The following ASIC2 variants were observed in gnomAD, a reference collection of about 807,000 sequenced individuals.
ASIC2 encodes the protein acid sensing ion channel subunit 2.
In ASIC2, 25 loss-of-function variants were observed where a neutral mutation model predicts 57.3. The observed-to-expected ratio is 0.44, with a 90% CI of 0.32 to 0.61. The LOEUF (loss-of-function observed/expected upper bound fraction) is 0.61, where lower values mean the gene tolerates loss of function less well. ASIC2 is among the 20% of genes least tolerant of loss of function. ASIC2 has a pLI of 0.06. For missense variants in ASIC2, 641 were observed against 738.1 expected (o/e 0.87, Z 1.52); for synonymous variants, 319 against 307.5 (o/e 1.04, Z -0.39).
intron 1 of ASIC2, chr17:34,004,317 G>C (rs1906451865): frequency 6.6e-6 from 1 of 152,158 alleles, no homozygotes; most frequent in Non-Finnish European, 1.5e-5. Context: ...GGCTTTTTTG[G>C]TTCTGCATCC....
chr17:33,452,193 A>T (rs1912275704), intron 1 of ASIC2, among the ~76,000 whole-genome samples: 1 of 152,210 alleles, frequency 6.6e-6, no homozygotes, highest in East Asian at 1.9e-4. Flanking sequence ...ACCTGCTTAG[A>T]GGTGGTGGAG....
intron 1 of ASIC2, among the ~76,000 whole-genome samples, chr17:33,575,342 C>CT (rs2141994665): frequency 6.6e-6 from 1 of 152,348 alleles, no homozygotes; most frequent in Admixed American, 6.5e-5. Context: ...ATGCCATAGA[C>CT]TGTCATTATA....
At chr17:34,041,747 G>A (rs1597989724) in intron 1 of ASIC2, among the ~76,000 whole-genome samples, 1 of 152,198 alleles carries the variant, frequency 6.6e-6, no homozygotes, top group African/African-American at 2.4e-5. Flanking sequence ...GCTTGTTATC[G>A]CTTTCTAGAA....
At chr17:33,376,402 A>T (rs1909279349) in intron 1 of ASIC2, among the ~76,000 whole-genome samples, 2 of 152,110 alleles carry the variant, frequency 1.3e-5, no homozygotes, top group South Asian at 4.1e-4. Flanking sequence ...GTACATGTGC[A>T]CAACATGCAG....
chr17:33,701,190 T>A (rs1908686998), intron 1 of ASIC2, among the ~76,000 whole-genome samples: 1 of 152,074 alleles, frequency 6.6e-6, no homozygotes, highest in South Asian at 2.1e-4. Context: ...AAACCTAGGA[T>A]GCAGATGGAC....
intron 1 of ASIC2, among the ~76,000 whole-genome samples, chr17:33,927,750 G>A (rs956211268): frequency 2.6e-5 from 4 of 152,208 alleles, no homozygotes; most frequent in African/African-American, 7.2e-5. Context: ...AAGTTGGGAA[G>A]CAGTGAATCA....
intron 3 of ASIC2, among the ~76,000 whole-genome samples, chr17:33,075,004 G>A (rs1315734835): frequency 6.6e-6 from 1 of 152,154 alleles, no homozygotes; most frequent in South Asian, 2.1e-4. Context: ...GCAGAGTGAG[G>A]TCACCTCCAC....
chr17:33,505,493 C>G (rs1200221228), intron 1 of ASIC2, among the ~76,000 whole-genome samples: 1 of 152,168 alleles, frequency 6.6e-6, no homozygotes, highest in African/African-American at 2.4e-5. Context: ...ACTGATCTTG[C>G]ATTCTCAATC....
At chr17:33,146,090 C>T (rs914057144) in intron 1 of ASIC2, among the ~76,000 whole-genome samples, 1 of 152,192 alleles carries the variant, frequency 6.6e-6, no homozygotes, top group Non-Finnish European at 1.5e-5. Context: ...AAATATTCTT[C>T]AATGGCCCCA....
At chr17:33,497,016 C>T (rs1913957374) in intron 1 of ASIC2, among the ~76,000 whole-genome samples, 1 of 152,198 alleles carries the variant, frequency 6.6e-6, no homozygotes, top group Admixed American at 6.5e-5. Context: ...GTGCCCAGCA[C>T]TTTGCCTAGC....
intron 1 of ASIC2, among the ~76,000 whole-genome samples, chr17:33,554,190 G>A (rs748699493): frequency 6.6e-6 from 1 of 152,216 alleles, no homozygotes; most frequent in Non-Finnish European, 1.5e-5. Context: ...AAATTGTTCT[G>A]TTTGGAAGGT....
At chr17:33,530,575 GGT>G (rs1567640882) in intron 1 of ASIC2, among the ~76,000 whole-genome samples, 1 of 152,246 alleles carries the variant, frequency 6.6e-6, no homozygotes, top group East Asian at 1.9e-4. Context: ...CCTTTGCTCA[GGT>G]CAGGGGCTCA....
At chr17:33,514,818 TC>T (rs1202806602) in intron 1 of ASIC2, among the ~76,000 whole-genome samples, 3 of 152,236 alleles carry the variant, frequency 2.0e-5, no homozygotes, top group Non-Finnish European at 4.4e-5. Flanking sequence ...ATGGCTTTGC[TC>T]ACTCTCTAAA....
intron 1 of ASIC2, among the ~76,000 whole-genome samples, chr17:33,811,303 G>C (rs1238224817): frequency 6.6e-6 from 1 of 152,210 alleles, no homozygotes; most frequent in Non-Finnish European, 1.5e-5. Context: ...GATCCAGGCA[G>C]ACTGCAAAGG....
chr17:33,574,143 C>A (rs1697732316), intron 1 of ASIC2, among the ~76,000 whole-genome samples: 1 of 152,230 alleles, frequency 6.6e-6, no homozygotes, highest in South Asian at 2.1e-4. Flanking sequence ...CCGAACTGCT[C>A]TTCAAAGTGT....
intron 1 of ASIC2, among the ~76,000 whole-genome samples, chr17:33,799,399 TTTCTTTTCTTTCTTTCTTTCTTTCTTTC>T (rs1567718919): frequency 1.8e-5 from 1 of 54,804 alleles, no homozygotes; most frequent in African/African-American, 6.5e-5. Context: ...TCTTTCTTTC[TTTCTTTTCTTTCTTTCTTTCTTTCTTTC>T]TTCTTTCTTT....
intron 1 of ASIC2, among the ~76,000 whole-genome samples, chr17:33,762,321 T>G (rs1048418625): frequency 2.0e-5 from 3 of 152,138 alleles, no homozygotes; most frequent in Non-Finnish European, 4.4e-5. Flanking sequence ...TTACAGCTCA[T>G]ACCCCATTCT....
At chr17:33,564,832 T>C (rs1916183353) in intron 1 of ASIC2, among the ~76,000 whole-genome samples, 1 of 102,890 alleles carries the variant, frequency 9.7e-6, no homozygotes, top group Non-Finnish European at 1.8e-5. Context: ...ACTGCTTAAA[T>C]GCATCTTAAG....
At chr17:33,089,602 G>A (rs1302687473) in intron 2 of ASIC2, among the ~76,000 whole-genome samples, 4 of 152,190 alleles carry the variant, frequency 2.6e-5, no homozygotes, top group Non-Finnish European at 5.9e-5. Flanking sequence ...TCAACTCCTT[G>A]CCTCAGTTGC....
Sources: allele counts gnomAD v4.1 joint callset (sites outside exome capture counted in the v4.1 genomes callset), GRCh38; gene constraint gnomAD v4.1.1; transcripts MANE v1.5; gene names NCBI Gene and HGNC (gene_info 2026-07-23, HGNC 2026-07-21).